The following CTBP2 variants were observed in gnomAD, a reference collection of about 807,000 sequenced individuals.
The protein encoded by CTBP2 is C-terminal binding protein 2.
CTBP2 carries 30 observed loss-of-function variants against 80.3 expected under a neutral mutation model. The ratio of observed to expected loss-of-function variants is 0.37; its 90% confidence interval spans 0.28 to 0.51. The LOEUF (loss-of-function observed/expected upper bound fraction) is 0.51. Among genes scored for constraint, CTBP2 ranks in the 20% least tolerant of loss-of-function variants. The pLI is 0.93. For missense variants in CTBP2, 1,212 were observed against 1,375.3 expected (o/e 0.88, Z 1.88); for synonymous variants, 594 against 587.4 (o/e 1.01, Z -0.16).
intron 2 of CTBP2, among the ~76,000 whole-genome samples, chr10:125,056,518 G>A (rs867587382): frequency 6.6e-6 from 1 of 152,196 alleles, no homozygotes; most frequent in Non-Finnish European, 1.5e-5. Flanking sequence ...GAGCCCAGGA[G>A]GCCCAGAGCC....
chr10:125,161,206 A>T (rs1471242459), upstream of CTBP2: 1 of 151,752 alleles, frequency 6.6e-6, no homozygotes, highest in Non-Finnish European at 1.5e-5. Context: ...AAGTGCACAC[A>T]AGCGCGGCGG....
chr10:125,116,331 C>T (rs535352632), intron 1 of CTBP2, among the ~76,000 whole-genome samples: 35 of 152,292 alleles, frequency 2.3e-4, no homozygotes, highest in African/African-American at 7.0e-4. Context: ...TCTGTTAGGA[C>T]GAGTGAACGC....
chr10:125,052,273 C>T (rs889669156), intron 2 of CTBP2, among the ~76,000 whole-genome samples: 17 of 152,154 alleles, frequency 1.1e-4, no homozygotes, highest in African/African-American at 4.1e-4. Context: ...CAACCTTCAC[C>T]CTCCAATCTC....
chr10:125,014,157 G>A (rs1956230948), intron 1 of CTBP2, among the ~76,000 whole-genome samples: 1 of 152,222 alleles, frequency 6.6e-6, no homozygotes, highest in African/African-American at 2.4e-5. Flanking sequence ...AGTAACACGT[G>A]TGTGCTGGCC....
At chr10:125,006,161 G>A (rs1176185004) in intron 1 of CTBP2, 5 of 398,526 alleles carry the variant, frequency 1.3e-5, no homozygotes, top group Admixed American at 4.9e-5. Context: ...GGCCGGGCAC[G>A]CAGAACGTGG....
intron 3 of CTBP2, 48 bp downstream of exon 5, chr10:125,002,912 C>T: frequency 6.2e-7 from 1 of 1,602,852 alleles, no homozygotes; most frequent in Non-Finnish European, 8.5e-7. Context: ...GAGCAGGGCC[C>T]ACAGAGCTCC....
At chr10:125,095,735 G>A (rs894566295) in intron 2 of CTBP2, among the ~76,000 whole-genome samples, 14 of 152,222 alleles carry the variant, frequency 9.2e-5, no homozygotes, top group African/African-American at 3.4e-4. Context: ...CAGGGACAGG[G>A]CCTGGGGATT....
chr10:125,062,719 G>A (rs902674312), intron 2 of CTBP2, among the ~76,000 whole-genome samples: 4 of 152,238 alleles, frequency 2.6e-5, no homozygotes, highest in East Asian at 1.9e-4. Context: ...AAAATTAGCC[G>A]GGTGCGGTGG....
rs1429360359 is a variant in CTBP2, at chr10:124,985,024, A to G, written c.*4494T>C. The stretch of plus-strand genomic sequence containing the variant: ...AAATCAAACAGCAGAAGACCAAGGC[A>G]TCAGATCTGTAATGACCCTAAAGTT... On this transcript the variant is annotated 3_prime_UTR_variant, in exon 9 of 9. Transcript: ENST00000309035. 1 of 1,528,516 alleles carries G rather than the reference A, an allele frequency of 6.5e-7. No homozygotes were observed. The highest frequency in any genetic ancestry group is 2.4e-5 in the East Asian group (1 of 42,206). 94.7% of individuals were successfully genotyped at this position (1,528,516 alleles called of 1,614,324 possible).
intron 1 of CTBP2, among the ~76,000 whole-genome samples, chr10:125,020,633 C>T (rs1441207337): frequency 6.6e-6 from 1 of 152,220 alleles, no homozygotes; most frequent in East Asian, 1.9e-4. Flanking sequence ...CGACCTCATT[C>T]ACCACCTGCT....
chr10:125,150,232 G>A (rs940667923), intron 1 of CTBP2, among the ~76,000 whole-genome samples: 6 of 152,198 alleles, frequency 3.9e-5, no homozygotes, highest in Non-Finnish European at 5.9e-5. Flanking sequence ...GGGGGGTGGA[G>A]GGCAACTGAG....
chr10:125,087,077 T>C (rs1175511671), intron 2 of CTBP2, among the ~76,000 whole-genome samples: 2 of 73,240 alleles, frequency 2.7e-5, no homozygotes, highest in African/African-American at 1.3e-4. Flanking sequence ...ATTTCTTTCT[T>C]TTTTTTTTTT....
Position 125,026,800 on chromosome 10 carries a change from G to C in CTBP2, c.960C>G (p.Val320=). 5 of 1,613,306 alleles carry C rather than the reference G, an allele frequency of 3.1e-6. No homozygotes were observed. Among genetic ancestry groups the C allele is most frequent in the Non-Finnish European group, 4.2e-6 (5 of 1,179,990 alleles). Residue 320 remains valine (V), a synonymous_variant, in exon 1 of 9, where the codon GTC becomes GTG. Transcript: ENST00000309035. ...TATCCGCGTCCTCCAGGGTAGCCAG[G>C]ACGGCCGGGGAGTCAAAGCCCTGCT...
chr10:125,154,616 T>G (rs144875705), intron 1 of CTBP2, among the ~76,000 whole-genome samples: 1 of 151,176 alleles, frequency 6.6e-6, no homozygotes, highest in Admixed American at 6.6e-5. Flanking sequence ...CATATACACA[T>G]GCAAACTACA....
intron 2 of CTBP2, among the ~76,000 whole-genome samples, chr10:125,043,738 C>T (rs1244595090): frequency 1.3e-5 from 2 of 152,162 alleles, no homozygotes; most frequent in African/African-American, 4.8e-5. Flanking sequence ...GCCCGGCCGA[C>T]CCTCTCGATT....
intron 1 of CTBP2, among the ~76,000 whole-genome samples, chr10:125,116,405 C>A (rs1204392429): frequency 6.6e-6 from 1 of 152,194 alleles, no homozygotes; most frequent in Non-Finnish European, 1.5e-5. Flanking sequence ...GGGCCCGTCA[C>A]ATGGGTACCC....
intron 2 of CTBP2, among the ~76,000 whole-genome samples, chr10:125,043,263 G>T (rs563736658): frequency 9.9e-5 from 15 of 152,208 alleles, no homozygotes; most frequent in Non-Finnish European, 1.8e-4. Flanking sequence ...GAAAGGGGAG[G>T]GTTCCCCTCA....
chr10:125,021,565 A>G (rs1957039678), intron 1 of CTBP2, among the ~76,000 whole-genome samples: 1 of 152,074 alleles, frequency 6.6e-6, no homozygotes, highest in Admixed American at 6.5e-5. Context: ...CACAACCAAG[A>G]TGCGAATACT....
intron 1 of CTBP2, chr10:125,005,436 A>G (rs1334140253): frequency 1.8e-6 from 2 of 1,107,526 alleles, no homozygotes; most frequent in Non-Finnish European, 2.6e-6. Flanking sequence ...CAGGTCCCCA[A>G]ACAGGGTGTC....
Sources: gnomAD v4.1 joint callset for allele counts (sites outside exome capture counted in the v4.1 genomes callset) on GRCh38, gnomAD v4.1.1 for gene constraint, MANE v1.5 for transcripts, NCBI Gene and HGNC (gene_info 2026-07-23, HGNC 2026-07-21) for gene names.